MAPRE2: variants seen among roughly 807,000 people sequenced by gnomAD.
The protein encoded by MAPRE2 is microtubule-associated protein RP/EB family member 2.
A neutral mutation model predicts 43.2 loss-of-function variants in MAPRE2; 13 were observed. The observed-to-expected ratio is 0.30, with a 90% confidence interval of 0.20 to 0.48. The LOEUF is 0.48. Ranked by LOEUF, MAPRE2 falls within the 20% of genes least tolerant of loss-of-function variation. The pLI is 0.99. For missense variants in MAPRE2, 161 were observed against 400.2 expected (o/e 0.40, Z 5.10); for synonymous variants, 135 against 148.8 (o/e 0.91, Z 0.68).
chr18:35,089,703 A>T (rs1908051102), intron 2 of MAPRE2, among the ~76,000 whole-genome samples: 2 of 152,224 alleles, frequency 1.3e-5, no homozygotes, highest in South Asian at 4.1e-4. Flanking sequence ...AATATAAAAT[A>T]GTACACCTGC....
chr18:35,107,680 A>G (rs1025971561), intron 4 of MAPRE2, among the ~76,000 whole-genome samples: 1 of 152,170 alleles, frequency 6.6e-6, no homozygotes, highest in Admixed American at 6.5e-5. Flanking sequence ...TGTATTCTGC[A>G]GTAGTTGGTT....
chr18:35,011,633 T>C (rs896152564), intron 2 of MAPRE2, among the ~76,000 whole-genome samples: 1 of 152,080 alleles, frequency 6.6e-6, no homozygotes, highest in Non-Finnish European at 1.5e-5. Context: ...AGGGACATGA[T>C]TAGACAGCAG....
At chr18:34,998,772 A>ATTTT (rs67933808) in intron 1 of MAPRE2, among the ~76,000 whole-genome samples, 61 of 93,724 alleles carry the variant, frequency 6.5e-4, no homozygotes, top group African/African-American at 2.6e-3. Flanking sequence ...CGAAGTTGCA[A>ATTTT]TTTTTTTTTT....
At position 35,132,060 on chromosome 18, in the gene MAPRE2, G is replaced by A. The variant is rs1245106872; in HGVS notation, c.779G>A (p.Gly260Asp). 2 of 1,614,178 alleles carry A rather than the reference G, an allele frequency of 1.2e-6. No homozygotes were observed. Among genetic ancestry groups the A allele is most frequent in the Admixed American group, 1.7e-5 (1 of 60,018 alleles). Residue 260 changes from glycine to aspartate, a missense_variant, in exon 6 of 7, where the codon GGC (glycine) becomes GAC (aspartate). Gly to Asp is a moderately conservative substitution (Grantham distance 94). This residue lies in a region of MAPRE2 where 96 missense variants were observed against 153.3 expected (regional missense o/e 0.63). Transcript: ENST00000300249. ...QVHSLKLALE[G>D]VEKERDFYFG... The stretch of plus-strand genomic sequence containing the variant: ...CATTCATTAAAACTTGCCCTTGAAG[G>A]CGTGGAAAAGGAAAGGGATTTCTAC...
chr18:35,100,203 A>C (rs750697644), intron 3 of MAPRE2, among the ~76,000 whole-genome samples: 3 of 152,242 alleles, frequency 2.0e-5, no homozygotes, highest in Non-Finnish European at 4.4e-5. Context: ...CCAAAGATGT[A>C]AAAGGTAAGA....
At chr18:35,002,009 T>C (rs1429183451) in intron 1 of MAPRE2, among the ~76,000 whole-genome samples, 1 of 152,164 alleles carries the variant, frequency 6.6e-6, no homozygotes, top group African/African-American at 2.4e-5. Context: ...GATATTGATG[T>C]CAACACAATC....
chr18:35,080,814 G>GT (rs397858068), intron 2 of MAPRE2, among the ~76,000 whole-genome samples: 76 of 80,156 alleles, frequency 9.5e-4, no homozygotes, highest in Middle Eastern at 5.4e-3. Context: ...TTCAGATTGC[G>GT]TTTTTTTTTT....
rs200354956 is a variant in MAPRE2 at position 35,072,938 on chromosome 18, G to GA, written c.250+2626dup. Among the ~76,000 whole-genome samples, 988 of 146,832 alleles carry GA rather than the reference G, an allele frequency of 6.7e-3. 8 individuals are homozygous for GA. The highest frequency in any genetic ancestry group is 0.023 in the African/African-American group (935 of 40,226). ...CTGCTCTGAAATATGTTTCTCGCTA[G>GA]AAAAAAAAAAGGAAGTTAATCTCCA... is the stretch of plus-strand genomic sequence containing the variant. On this transcript the variant is annotated intron_variant, in intron 2 of 6. Coordinates refer to ENST00000300249, the MANE Select transcript of MAPRE2 (RefSeq NM_014268.4).
intron 2 of MAPRE2, among the ~76,000 whole-genome samples, chr18:35,081,088 T>C (rs1241804533): frequency 6.6e-6 from 1 of 152,250 alleles, no homozygotes; most frequent in African/African-American, 2.4e-5. Flanking sequence ...GGAAGAACTT[T>C]ACAAAAGTGT....
intron 1 of MAPRE2, among the ~76,000 whole-genome samples, chr18:35,000,106 G>T (rs897357377): frequency 6.6e-6 from 1 of 152,136 alleles, no homozygotes; most frequent in Non-Finnish European, 1.5e-5. Flanking sequence ...ACAACTGAAG[G>T]GATTCAATAT....
intron 4 of MAPRE2, among the ~76,000 whole-genome samples, chr18:35,123,880 C>T (rs1909793331): frequency 6.6e-6 from 1 of 152,126 alleles, no homozygotes; most frequent in Non-Finnish European, 1.5e-5. Context: ...ACACCTATGT[C>T]CTAGGGTTTA....
chr18:35,000,896 C>G (rs566289701), intron 1 of MAPRE2, among the ~76,000 whole-genome samples: 1 of 152,292 alleles, frequency 6.6e-6, no homozygotes, highest in East Asian at 1.9e-4. Context: ...GTTTTGAATA[C>G]AGAACACCTG....
At chr18:35,068,323 G>A (rs1906934808) in intron 1 of MAPRE2, among the ~76,000 whole-genome samples, 1 of 152,148 alleles carries the variant, frequency 6.6e-6, no homozygotes, top group African/African-American at 2.4e-5. Flanking sequence ...TTTTAGGTCT[G>A]AGGCAAGAAA....
intron 4 of MAPRE2, among the ~76,000 whole-genome samples, chr18:35,104,852 C>G (rs1490140669): frequency 6.6e-6 from 1 of 152,020 alleles, no homozygotes; most frequent in Non-Finnish European, 1.5e-5. Context: ...CTAAGAAAAT[C>G]AAGGGTGTCT....
At chr18:34,979,673 A>G (rs980414139) in intron 1 of MAPRE2, among the ~76,000 whole-genome samples, 4 of 152,218 alleles carry the variant, frequency 2.6e-5, no homozygotes, top group African/African-American at 4.8e-5. Context: ...AATTTTGCAT[A>G]CAAAAAAGTC....
chr18:35,020,470 T>C (rs951893010), intron 2 of MAPRE2, among the ~76,000 whole-genome samples: 2 of 152,086 alleles, frequency 1.3e-5, no homozygotes, highest in Non-Finnish European at 2.9e-5. Context: ...GCAACATTAC[T>C]TCGGTTTATA....
At chr18:35,053,229 A>G (rs1906042881) in intron 1 of MAPRE2, among the ~76,000 whole-genome samples, 1 of 152,078 alleles carries the variant, frequency 6.6e-6, no homozygotes, top group Non-Finnish European at 1.5e-5. Context: ...CCCCATCTCT[A>G]CTAAAAATAC....
At chr18:34,990,514 AT>A (rs1017498850) in intron 1 of MAPRE2, among the ~76,000 whole-genome samples, 2 of 151,794 alleles carry the variant, frequency 1.3e-5, no homozygotes, top group South Asian at 2.1e-4. Context: ...AATGTAGGTC[AT>A]TTTTTTTCAT....
chr18:35,053,348 C>A (rs1906049502), intron 1 of MAPRE2, among the ~76,000 whole-genome samples: 1 of 152,034 alleles, frequency 6.6e-6, no homozygotes, highest in Non-Finnish European at 1.5e-5. Context: ...GAGCCAAGAT[C>A]ACGCCACTGC....
Sources: allele counts gnomAD v4.1 joint callset (sites outside exome capture counted in the v4.1 genomes callset), GRCh38; gene constraint gnomAD v4.1.1; regional missense constraint gnomAD v4.1.1; transcripts MANE v1.5; gene names NCBI Gene and HGNC (gene_info 2026-07-23, HGNC 2026-07-21).